NXPH2: variants seen among roughly 807,000 people sequenced by gnomAD.
NXPH2 encodes the protein neurexophilin-2.
NXPH2 carries 5 observed loss-of-function variants against 19.8 expected under a neutral mutation model. The observed-to-expected ratio is 0.25, with a 90% CI of 0.13 to 0.53. The LOEUF is 0.53. Among genes scored for constraint, NXPH2 ranks in the 20% least tolerant of loss-of-function variants. The pLI, the probability that NXPH2 is intolerant of heterozygous loss-of-function variation, is 0.96. For missense variants in NXPH2, 289 were observed against 322.8 expected, an observed-to-expected ratio of 0.90 and a Z score of 0.80; for synonymous variants, 154 against 127.4, an observed-to-expected ratio of 1.21 and a Z score of -1.41.
At chr2:138,750,456 G>A (rs1189559612) in intron 1 of NXPH2, among the ~76,000 whole-genome samples, 3 of 152,132 alleles carry the variant, frequency 2.0e-5, no homozygotes, top group African/African-American at 7.2e-5. Flanking sequence ...TTTAAGACAA[G>A]TATTTATCTA....
intron 1 of NXPH2, among the ~76,000 whole-genome samples, chr2:138,728,401 G>A (rs1026135108): frequency 2.2e-4 from 33 of 152,278 alleles, no homozygotes; most frequent in African/African-American, 7.0e-4. Flanking sequence ...AGCCCTAGAA[G>A]ACTAATATAA....
At chr2:138,747,162 T>C (rs1046762689) in intron 1 of NXPH2, among the ~76,000 whole-genome samples, 3 of 152,190 alleles carry the variant, frequency 2.0e-5, no homozygotes, top group African/African-American at 7.2e-5. Flanking sequence ...CTGTGATGAA[T>C]ATTCATGCAC....
At chr2:138,679,009 ACAGT>A (rs1419636508) in intron 1 of NXPH2, among the ~76,000 whole-genome samples, 2 of 152,172 alleles carry the variant, frequency 1.3e-5, no homozygotes, top group African/African-American at 2.4e-5. Context: ...GGGTTCTATG[ACAGT>A]CAGATATTTT....
intron 1 of NXPH2, among the ~76,000 whole-genome samples, chr2:138,766,025 G>A (rs1682083690): frequency 6.6e-6 from 1 of 152,190 alleles, no homozygotes. Context: ...AACGAAATGT[G>A]TGACAGTGTC....
rs562848536 is a variant in NXPH2, at chr2:138,721,893, G to A, written c.52-50228C>T. ...GATATGAAAGTGTAGTGTGCTTTGA[G>A]TATTCTGTCTTTATTGAATTTGCAG... On this transcript the variant is annotated intron_variant, in intron 1 of 1. Coordinates refer to ENST00000272641, the MANE Select transcript of NXPH2 (RefSeq NM_007226.3). Among the ~76,000 whole-genome samples, 12 of 152,322 alleles carry A rather than the reference G, an allele frequency of 7.9e-5. 1 individual carries two copies. The South Asian group carries it at 2.1e-3, about 26-fold the overall frequency.
At chr2:138,693,305 T>C (rs964911614) in intron 1 of NXPH2, among the ~76,000 whole-genome samples, 8 of 152,180 alleles carry the variant, frequency 5.3e-5, no homozygotes, top group African/African-American at 9.6e-5. Context: ...AGTCCCTCCA[T>C]CACCTGCCTT....
At chr2:138,737,779 G>A (rs1007607543) in intron 1 of NXPH2, among the ~76,000 whole-genome samples, 1 of 152,160 alleles carries the variant, frequency 6.6e-6, no homozygotes, top group African/African-American at 2.4e-5. Flanking sequence ...AACTAAAAAA[G>A]TGGAGAGCTT....
chr2:138,769,837 T>A (rs1162746946), intron 1 of NXPH2, among the ~76,000 whole-genome samples: 7 of 152,128 alleles, frequency 4.6e-5, no homozygotes, highest in African/African-American at 7.2e-5. Flanking sequence ...ATTTATGCTG[T>A]TAAACATAGA....
intron 1 of NXPH2, among the ~76,000 whole-genome samples, chr2:138,674,034 GA>G: frequency 6.6e-6 from 1 of 152,046 alleles, no homozygotes; most frequent in Non-Finnish European, 1.5e-5. Context: ...ACCCAGGCTG[GA>G]GGCATAATCA....
At chr2:138,706,107 T>C (rs1484394882) in intron 1 of NXPH2, among the ~76,000 whole-genome samples, 3 of 152,236 alleles carry the variant, frequency 2.0e-5, no homozygotes, top group African/African-American at 7.2e-5. Flanking sequence ...AAACAATCTA[T>C]GCCTGTGGTC....
At chr2:138,718,019 T>C (rs1681218676) in intron 1 of NXPH2, among the ~76,000 whole-genome samples, 1 of 150,766 alleles carries the variant, frequency 6.6e-6, no homozygotes, top group South Asian at 2.1e-4. Flanking sequence ...CCATAAGAAA[T>C]AAAAGAGAAA....
chr2:138,701,962 G>A (rs575494113), intron 1 of NXPH2, among the ~76,000 whole-genome samples: 1 of 152,260 alleles, frequency 6.6e-6, no homozygotes, highest in East Asian at 1.9e-4. Context: ...TCATAGGAGA[G>A]GTCGGTTACT....
At chr2:138,772,516 C>G (rs768980449) in intron 1 of NXPH2, among the ~76,000 whole-genome samples, 3 of 152,156 alleles carry the variant, frequency 2.0e-5, no homozygotes, top group African/African-American at 7.2e-5. Context: ...AAGCTGGTCT[C>G]GAACTCCCGA....
At chr2:138,717,564 G>A (rs1250002537) in intron 1 of NXPH2, among the ~76,000 whole-genome samples, 1 of 151,854 alleles carries the variant, frequency 6.6e-6, no homozygotes, top group East Asian at 1.9e-4. Context: ...ACCCTTTTGT[G>A]ATGGATCTAA....
chr2:138,732,460 CAGG>C (rs2105000572), intron 1 of NXPH2, among the ~76,000 whole-genome samples: 1 of 152,244 alleles, frequency 6.6e-6, no homozygotes, highest in South Asian at 2.1e-4. Flanking sequence ...GGATTCTTTT[CAGG>C]AGATGATCTC....
chr2:138,748,702 A>G (rs1681780255), intron 1 of NXPH2, among the ~76,000 whole-genome samples: 1 of 152,190 alleles, frequency 6.6e-6, no homozygotes, highest in Non-Finnish European at 1.5e-5. Context: ...ATATTTAAAT[A>G]GTAAAAGAAG....
At chr2:138,699,165 A>C (rs774646499) in intron 1 of NXPH2, among the ~76,000 whole-genome samples, 60 of 152,188 alleles carry the variant, frequency 3.9e-4, no homozygotes, top group Non-Finnish European at 7.2e-4. Flanking sequence ...TATAATATGT[A>C]ACAAAGCTTC....
In NXPH2 at chr2:138,755,896, A is replaced by G. The variant is rs74534489; in HGVS notation, c.51+24295T>C. ...CATATAGATCATGTACATATTTTAT[A>G]AGATTTATACTTAAATATTTCAATA... On this transcript the variant is annotated intron_variant, in intron 1 of 1. Transcript: ENST00000272641. 5.5e-3 allele frequency among the ~76,000 whole-genome samples: 829 copies of G among 152,052 alleles called. 5 individuals carry two copies. Among genetic ancestry groups the G allele is most frequent in the Middle Eastern group, 0.01 (3 of 294 alleles).
rs1680413091 is a variant in NXPH2, at chr2:138,671,477, A to G, written c.240T>C (p.Phe80=). The part of the protein sequence containing the change: ...PMAYADSMEN[F]WDWLANITEI... ...CCGTGATGTTGGCCAGCCAATCCCA[A>G]AAGTTTTCCATGCTGTCTGCGTACG... Residue 80 remains phenylalanine (F), a synonymous_variant, in exon 2 of 2, where the codon TTT becomes TTC. Coordinates refer to ENST00000272641, the MANE Select transcript of NXPH2 (RefSeq NM_007226.3). 2 of 1,613,890 alleles carry G rather than the reference A, an allele frequency of 1.2e-6. No homozygotes were observed. Among genetic ancestry groups the G allele is most frequent in the African/African-American group, 1.3e-5 (1 of 75,050 alleles).
Sources: allele counts gnomAD v4.1 joint callset (sites outside exome capture counted in the v4.1 genomes callset), GRCh38; gene constraint gnomAD v4.1.1; transcripts MANE v1.5; gene names NCBI Gene and HGNC (gene_info 2026-07-23, HGNC 2026-07-21).